ST6GALNAC3: variants seen among roughly 807,000 people sequenced by gnomAD.
ST6GALNAC3 encodes the protein alpha-N-acetylgalactosaminide alpha-2,6-sialyltransferase 3.
ST6GALNAC3 carries 25 observed loss-of-function variants against 32.7 expected under a neutral mutation model. That is an observed-to-expected ratio of 0.76 (90% CI 0.56 to 1.07). The LOEUF is 1.07. Ranked by LOEUF, ST6GALNAC3 falls within the 50% of genes least tolerant of loss-of-function variation. The probability of loss-of-function intolerance (pLI) is 0.00; values close to 1 mark genes in which losing one functional copy is unlikely to be tolerated. For synonymous variants in ST6GALNAC3, 129 were observed against 133.1 expected, an observed-to-expected ratio of 0.97 and a Z score of 0.21; for missense variants, 355 against 382.4, an observed-to-expected ratio of 0.93 and a Z score of 0.60.
intron 3 of ST6GALNAC3, among the ~76,000 whole-genome samples, chr1:76,507,386 G>A (rs1023612011): frequency 1.3e-5 from 2 of 151,950 alleles, no homozygotes; most frequent in African/African-American, 4.8e-5. Flanking sequence ...TCAATTTTAG[G>A]ACACTTTCAC....
intron 3 of ST6GALNAC3, among the ~76,000 whole-genome samples, chr1:76,440,807 G>A (rs545886688): frequency 6.6e-6 from 1 of 152,122 alleles, no homozygotes; most frequent in Non-Finnish European, 1.5e-5. Context: ...CAACATAGAG[G>A]CTGGGCGCAG....
chr1:76,614,342 CT>C (rs1648135459), intron 3 of ST6GALNAC3, among the ~76,000 whole-genome samples: 1 of 152,204 alleles, frequency 6.6e-6, no homozygotes. Flanking sequence ...TAATGGAATT[CT>C]CAAACCTAAC....
intron 1 of ST6GALNAC3, among the ~76,000 whole-genome samples, chr1:76,157,368 G>A (rs1651522120): frequency 6.6e-6 from 1 of 152,122 alleles, no homozygotes; most frequent in Non-Finnish European, 1.5e-5. Context: ...TTGGCTCTCA[G>A]CATCTGTCAT....
intron 1 of ST6GALNAC3, among the ~76,000 whole-genome samples, chr1:76,237,830 C>T (rs549208048): frequency 1.2e-4 from 19 of 152,230 alleles, no homozygotes; most frequent in African/African-American, 2.6e-4. Flanking sequence ...AATATCTTCT[C>T]GATTTAGAAG....
chr1:76,347,494 A>G (rs575318897), intron 2 of ST6GALNAC3, among the ~76,000 whole-genome samples: 11 of 151,648 alleles, frequency 7.3e-5, no homozygotes, highest in Non-Finnish European at 1.5e-4. Flanking sequence ...GTATGAGAAT[A>G]AGTTTATATA....
intron 2 of ST6GALNAC3, among the ~76,000 whole-genome samples, chr1:76,374,842 C>T (rs1297569996): frequency 6.6e-6 from 1 of 152,024 alleles, no homozygotes; most frequent in Non-Finnish European, 1.5e-5. Context: ...AGCTAATACA[C>T]CATTGCAAGA....
intron 1 of ST6GALNAC3, among the ~76,000 whole-genome samples, chr1:76,088,768 C>G (rs1467759719): frequency 6.6e-6 from 1 of 152,188 alleles, no homozygotes; most frequent in Non-Finnish European, 1.5e-5. Context: ...TTGCTTATCG[C>G]TGTGTATCTA....
chr1:76,343,686 C>A (rs568584923), intron 2 of ST6GALNAC3, among the ~76,000 whole-genome samples: 2 of 152,318 alleles, frequency 1.3e-5, no homozygotes, highest in South Asian at 4.1e-4. Context: ...ACATCTGAAG[C>A]AAAACCCTAC....
chr1:76,428,822 T>G (rs1398255646), intron 3 of ST6GALNAC3, among the ~76,000 whole-genome samples: 2 of 152,166 alleles, frequency 1.3e-5, no homozygotes, highest in South Asian at 2.1e-4. Context: ...CTAATTAAGT[T>G]TAACAACATT....
At chr1:76,441,410 C>T (rs983209158) in intron 3 of ST6GALNAC3, among the ~76,000 whole-genome samples, 1 of 152,002 alleles carries the variant, frequency 6.6e-6, no homozygotes, top group African/African-American at 2.4e-5. Flanking sequence ...CTTAAGCTAG[C>T]AGAGGAAGGA....
chr1:76,296,686 A>T (rs752951637), intron 1 of ST6GALNAC3, among the ~76,000 whole-genome samples: 4 of 152,096 alleles, frequency 2.6e-5, no homozygotes, highest in Non-Finnish European at 5.9e-5. Flanking sequence ...TGTATATCAG[A>T]TATTATACTG....
intron 3 of ST6GALNAC3, among the ~76,000 whole-genome samples, chr1:76,438,427 C>T (rs986971533): frequency 2.6e-4 from 40 of 152,076 alleles, no homozygotes; most frequent in African/African-American, 9.6e-4. Context: ...GCGTGAGCCA[C>T]CCCGCCTGGC....
chr1:76,251,548 C>T (rs1657617717), intron 1 of ST6GALNAC3, among the ~76,000 whole-genome samples: 1 of 152,152 alleles, frequency 6.6e-6, no homozygotes. Context: ...CATCCACTCT[C>T]TTTCCTCTCC....
chr1:76,538,800 T>C (rs1214520297), intron 3 of ST6GALNAC3, among the ~76,000 whole-genome samples: 9 of 151,874 alleles, frequency 5.9e-5, no homozygotes, highest in Non-Finnish European at 1.3e-4. Flanking sequence ...CCTAGGAATA[T>C]AGCTAACACG....
chr1:76,629,006 T>C lies in ST6GALNAC3; in HGVS notation c.*200T>C. Reference sequence around the variant, plus strand: ...TCATGGAGGATGGTTGTGCTCATGATGTTCTTTCTGGAGGTTCAACACTAC... The same window carrying C: ...TCATGGAGGATGGTTGTGCTCATGACGTTCTTTCTGGAGGTTCAACACTAC... On this transcript the variant is annotated 3_prime_UTR_variant, in exon 5 of 5. Coordinates refer to ENST00000328299, the MANE Select transcript of ST6GALNAC3 (RefSeq NM_152996.4). 1 of 1,384,190 alleles carries C rather than the reference T, an allele frequency of 7.2e-7. No homozygotes were observed. Among genetic ancestry groups the C allele is most frequent in the South Asian group, 1.7e-5 (1 of 58,846 alleles). The allele number at this position is 1,384,190 out of a possible 1,614,324, so 85.7% of individuals were successfully genotyped here. A position where few individuals can be genotyped will look rare whatever the true frequency, so the allele number is the denominator to read the frequency against.
Position 76,338,076 on chromosome 1 carries a change from A to G in ST6GALNAC3, c.213+24077A>G, listed in dbSNP as rs192399858. Among the ~76,000 whole-genome samples the G allele has an allele frequency of 2.4e-3, 367 of 152,294 alleles. 3 individuals carry two copies. The highest frequency in any genetic ancestry group is 8.4e-3 in the African/African-American group (348 of 41,562). ...GCCCTGCGTGGGGGAACTGCACAGT[A>G]TGCTAATGAAGGAGCAGCATACTGA... On this transcript the variant is annotated intron_variant, in intron 2 of 4. Coordinates refer to ENST00000328299, the MANE Select transcript of ST6GALNAC3 (RefSeq NM_152996.4).
intron 1 of ST6GALNAC3, among the ~76,000 whole-genome samples, chr1:76,220,613 C>CTAATT (rs1655711399): frequency 6.6e-6 from 1 of 152,164 alleles, no homozygotes; most frequent in South Asian, 2.1e-4. Flanking sequence ...GCAGGATGAT[C>CTAATT]TAATGCTGAC....
At chr1:76,238,009 G>A (rs550182774) in intron 1 of ST6GALNAC3, among the ~76,000 whole-genome samples, 13 of 152,300 alleles carry the variant, frequency 8.5e-5, no homozygotes, top group South Asian at 2.1e-4. Context: ...AGTGCTTTCC[G>A]AATTATTTCT....
rs182352945 is a variant in ST6GALNAC3 at position 76,584,390 on chromosome 1, T to A, written c.624-43062T>A. Among the ~76,000 whole-genome samples the A allele has an allele frequency of 2.7e-3, 408 of 152,324 alleles. 1 individual carries two copies. The highest frequency in any genetic ancestry group is 9.3e-3 in the African/African-American group (388 of 41,590). Reference sequence around the variant, plus strand: ...GCCTGTTGATCCATGAATTCACTAATAAGCATCTGTGATGCAAAGCCCAAT... The same window carrying A: ...GCCTGTTGATCCATGAATTCACTAAAAAGCATCTGTGATGCAAAGCCCAAT... On this transcript the variant is annotated intron_variant, in intron 3 of 4. Coordinates refer to ENST00000328299, the MANE Select transcript of ST6GALNAC3 (RefSeq NM_152996.4).
Sources: gnomAD v4.1 joint callset for allele counts (sites outside exome capture counted in the v4.1 genomes callset) on GRCh38, gnomAD v4.1.1 for gene constraint, MANE v1.5 for transcripts, NCBI Gene and HGNC (gene_info 2026-07-23, HGNC 2026-07-21) for gene names.